RPS6KA6: variants seen among roughly 807,000 people sequenced by gnomAD.
RPS6KA6 encodes the protein ribosomal protein S6 kinase A6.
In RPS6KA6, 27 loss-of-function variants were observed where a neutral mutation model predicts 65.4. That is an observed-to-expected ratio of 0.41 (90% confidence interval 0.30 to 0.57). The LOEUF is 0.57. Among genes scored for constraint, RPS6KA6 ranks in the 20% least tolerant of loss-of-function variants. The pLI is 0.24. For missense variants in RPS6KA6, 486 were observed against 555.6 expected (o/e 0.87, Z 1.26); for synonymous variants, 190 against 184.2 (o/e 1.03, Z -0.26).
chrX:84,154,754 AT>A (rs1265632109), intron 3 of RPS6KA6, among the ~76,000 whole-genome samples: 2 of 110,827 alleles, frequency 1.8e-5, no homozygotes, highest in Non-Finnish European at 3.8e-5. Flanking sequence ...CCTGTCTTAT[AT>A]ATCTCCTGTA....
At chrX:84,170,755 C>A (rs956844707) in intron 1 of RPS6KA6, among the ~76,000 whole-genome samples, 6 of 111,466 alleles carry the variant, frequency 5.4e-5, no homozygotes, top group Non-Finnish European at 1.1e-4. Context: ...AAGATAGGCC[C>A]CCATGATCCT....
At chrX:84,132,682 A>G (rs1405281738) in intron 8 of RPS6KA6, among the ~76,000 whole-genome samples, 1 of 108,481 alleles carries the variant, frequency 9.2e-6, no homozygotes, top group African/African-American at 3.3e-5. Context: ...ATAATAATAT[A>G]TAATATAAAT....
intron 1 of RPS6KA6, among the ~76,000 whole-genome samples, chrX:84,174,893 C>T (rs1040664892): frequency 9.0e-6 from 1 of 111,569 alleles, no homozygotes; most frequent in African/African-American, 3.3e-5. Flanking sequence ...AATGGAATGA[C>T]TAAAATCTGG....
chrX:84,125,858 A>G (rs750829919), intron 8 of RPS6KA6, among the ~76,000 whole-genome samples: 3 of 110,843 alleles, frequency 2.7e-5, no homozygotes, highest in African/African-American at 9.8e-5. Context: ...CATCTCAAAA[A>G]ATACATAAAT....
At chrX:84,155,951 T>C (rs1411608058) in intron 3 of RPS6KA6, 124 bp downstream of exon 3, 1 of 429,476 alleles carries the variant, frequency 2.3e-6, no homozygotes, top group African/African-American at 2.5e-5. Flanking sequence ...ATTAAAGAAT[T>C]ACCTTTGTGA....
intron 1 of RPS6KA6, among the ~76,000 whole-genome samples, chrX:84,171,972 G>T (rs1276400897): frequency 9.0e-6 from 1 of 111,060 alleles, no homozygotes; most frequent in Non-Finnish European, 1.9e-5. Context: ...TAAGGATGAT[G>T]GTTTCTAGTT....
intron 20 of RPS6KA6, among the ~76,000 whole-genome samples, chrX:84,075,425 T>C (rs1182028628): frequency 9.0e-6 from 1 of 111,465 alleles, no homozygotes; most frequent in Middle Eastern, 4.3e-3. Flanking sequence ...CTAATATATA[T>C]ATGCAGTTGA....
chrX:84,067,164 G>A (rs186396834), intron 20 of RPS6KA6, among the ~76,000 whole-genome samples: 1 of 112,071 alleles, frequency 8.9e-6, no homozygotes, highest in African/African-American at 3.2e-5. Flanking sequence ...CCACAAAAAT[G>A]AGGAAAAACC....
intron 3 of RPS6KA6, among the ~76,000 whole-genome samples, chrX:84,155,706 A>G (rs2035404433): frequency 8.9e-6 from 1 of 112,473 alleles, no homozygotes; most frequent in Non-Finnish European, 1.9e-5. Flanking sequence ...TAGCTAACAA[A>G]TGTAGATTAA....
chrX:84,091,833 T>C (rs1165281967), intron 20 of RPS6KA6, among the ~76,000 whole-genome samples: 1 of 111,877 alleles, frequency 8.9e-6, no homozygotes, highest in Non-Finnish European at 1.9e-5. Flanking sequence ...GAGGTAAATA[T>C]ACACCATGGA....
At chrX:84,104,993 A>G (rs1046071667) in intron 16 of RPS6KA6, among the ~76,000 whole-genome samples, 2 of 110,862 alleles carry the variant, frequency 1.8e-5, no homozygotes, top group African/African-American at 6.5e-5. Context: ...TATTATAGCT[A>G]CTTCTCTTCC....
At chrX:84,114,482 T>A (rs760888108) in intron 12 of RPS6KA6, among the ~76,000 whole-genome samples, 1 of 110,489 alleles carries the variant, frequency 9.1e-6, no homozygotes, top group African/African-American at 3.3e-5. Context: ...AGAGAGACGC[T>A]GTCAAAAAAC....
chrX:84,118,145 T>C (rs912682212), intron 9 of RPS6KA6, among the ~76,000 whole-genome samples: 23 of 112,267 alleles, frequency 2.0e-4, no homozygotes, highest in Non-Finnish European at 3.8e-4. Flanking sequence ...ATCACCAGTA[T>C]TTAAATCTCA....
At chrX:84,087,291 C>A (rs973190297) in intron 20 of RPS6KA6, among the ~76,000 whole-genome samples, 7 of 111,234 alleles carry the variant, frequency 6.3e-5, no homozygotes, top group African/African-American at 2.0e-4. Flanking sequence ...GTGGCTGGTA[C>A]CAGTTTTTCC....
chrX:84,130,429 G>A lies in RPS6KA6; in HGVS notation c.646+4353C>T, dbSNP rs1201936268. Among the ~76,000 whole-genome samples the A allele has an allele frequency of 3.6e-5, 4 of 111,603 alleles. No homozygotes were observed. The Admixed American group carries it at 3.8e-4, about 11-fold the overall frequency. On this transcript the variant is annotated intron_variant, in intron 8 of 21. Transcript: ENST00000262752. ...GTATACAAAATATTACAACCACTTT[G>A]GAAATCAGTTTGAAGTTTTCTCACT...
chrX:84,080,328 AC>A, intron 20 of RPS6KA6, among the ~76,000 whole-genome samples: 1 of 85,642 alleles, frequency 1.2e-5, no homozygotes, highest in Admixed American at 1.4e-4. Context: ...AATAGCATCA[AC>A]ATCAACAAAA....
chrX:84,099,308 C>T (rs1328719682), intron 18 of RPS6KA6, among the ~76,000 whole-genome samples: 4 of 111,122 alleles, frequency 3.6e-5, no homozygotes, highest in Non-Finnish European at 7.6e-5. Context: ...AGTCTCAATG[C>T]CCTAGTGAGC....
chrX:84,094,281 T>C lies in RPS6KA6; in HGVS notation c.1971+1913A>G, dbSNP rs776165467. Among the ~76,000 whole-genome samples, 5 of 102,664 alleles carry C rather than the reference T, an allele frequency of 4.9e-5. No homozygotes were observed. The South Asian group carries it at 1.9e-3, about 39-fold the overall frequency. The allele number at this position is 102,664 out of a possible 115,157, so 89.2% of individuals were successfully genotyped here. On this transcript the variant is annotated intron_variant, in intron 20 of 21. Transcript: ENST00000262752. ...TTCCAGCCTTAAGTCAGTAAACCTT[T>C]TGGCAATGGGCTAACTGCCTTAAAG...
chrX:84,137,282 A>G (rs1602446699), intron 6 of RPS6KA6, among the ~76,000 whole-genome samples: 1 of 111,762 alleles, frequency 8.9e-6, no homozygotes, highest in African/African-American at 3.2e-5. Flanking sequence ...ATGTCTTTAA[A>G]ACTTATTTAT....
Sources: allele counts gnomAD v4.1 joint callset (sites outside exome capture counted in the v4.1 genomes callset), GRCh38; gene constraint gnomAD v4.1.1; transcripts MANE v1.5; gene names NCBI Gene and HGNC (gene_info 2026-07-23, HGNC 2026-07-21).